LMOD1: variants seen among roughly 807,000 people sequenced by gnomAD.
LMOD1 encodes the protein leiomodin 1.
Under a neutral mutation model 36.5 loss-of-function variants are expected in LMOD1, and 8 were observed. The observed-to-expected ratio is 0.22, with a 90% CI of 0.13 to 0.40. The LOEUF is 0.40. Among genes scored for constraint, LMOD1 ranks in the 10% least tolerant of loss-of-function variants. The probability of loss-of-function intolerance (pLI) is 1.00; values close to 1 mark genes in which losing one functional copy is unlikely to be tolerated. For missense variants in LMOD1, 630 were observed against 751.1 expected, an observed-to-expected ratio of 0.84 and a Z score of 1.88; for synonymous variants, 284 against 288.7, an observed-to-expected ratio of 0.98 and a Z score of 0.17.
chr1:201,924,725 G>GA lies in LMOD1; in HGVS notation c.261+21354dup, dbSNP rs1553297968. On this transcript the variant is annotated intron_variant, in intron 1 of 2. Transcript: ENST00000367288. ...AGAAAGAAAGAAAGAAAGAAAGAAA[G>GA]AAAGAAAAGAAAGAAATAGCCAGTC... 1.0e-4 allele frequency among the ~76,000 whole-genome samples: 13 copies of GA among 128,814 alleles called. 1 individual carries two copies. In the East Asian group the frequency reaches 1.8e-3, roughly 17 times the overall value. 84.5% of individuals were successfully genotyped at this position (128,814 alleles called of 152,430 possible). A position where few individuals can be genotyped will look rare whatever the true frequency, so the allele number is the denominator to read the frequency against.
intron 1 of LMOD1, among the ~76,000 whole-genome samples, chr1:201,932,769 T>C (rs1019609782): frequency 6.6e-5 from 10 of 152,132 alleles, no homozygotes; most frequent in African/African-American, 2.4e-4. Flanking sequence ...AGAAATGATG[T>C]TAATGACTAT....
At chr1:201,912,946 C>G (rs899832026) in intron 1 of LMOD1, among the ~76,000 whole-genome samples, 2 of 152,136 alleles carry the variant, frequency 1.3e-5, no homozygotes, top group African/African-American at 4.8e-5. Flanking sequence ...TGGTTACCTG[C>G]TAAGGCCTGC....
chr1:201,944,711 G>T (rs186651168), intron 1 of LMOD1, among the ~76,000 whole-genome samples: 61 of 129,592 alleles, frequency 4.7e-4, no homozygotes, highest in Non-Finnish European at 7.7e-4. Flanking sequence ...CTTGGCAAAG[G>T]CTTAAACATA....
At chr1:201,942,189 C>T (rs1243406776) in intron 1 of LMOD1, among the ~76,000 whole-genome samples, 1 of 152,214 alleles carries the variant, frequency 6.6e-6, no homozygotes, top group East Asian at 1.9e-4. Flanking sequence ...CTAACATTCA[C>T]TCAACAAACA....
chr1:201,944,353 G>A (rs1243507357), intron 1 of LMOD1, among the ~76,000 whole-genome samples: 5 of 152,152 alleles, frequency 3.3e-5, no homozygotes, highest in Non-Finnish European at 7.3e-5. Context: ...CTTGTGATTA[G>A]ACTGCTTTGT....
intron 1 of LMOD1, among the ~76,000 whole-genome samples, chr1:201,918,585 G>C (rs1188326108): frequency 6.6e-6 from 1 of 152,100 alleles, no homozygotes; most frequent in Non-Finnish European, 1.5e-5. Flanking sequence ...GGGCTCTCTT[G>C]GGTCTTGTTG....
intron 1 of LMOD1, among the ~76,000 whole-genome samples, chr1:201,941,468 G>T (rs776188522): frequency 6.6e-6 from 1 of 152,118 alleles, no homozygotes; most frequent in Admixed American, 6.5e-5. Context: ...ACAGGCCCCC[G>T]TCACCTCTTC....
chr1:201,903,013 G>C (rs537071718), intron 1 of LMOD1, among the ~76,000 whole-genome samples: 3 of 152,194 alleles, frequency 2.0e-5, no homozygotes, highest in African/African-American at 7.2e-5. Context: ...AAGAGACTAT[G>C]GTTTGAATAT....
intron 1 of LMOD1, among the ~76,000 whole-genome samples, chr1:201,917,369 AAGAC>A (rs1208864076): frequency 6.6e-6 from 1 of 152,032 alleles, no homozygotes; most frequent in Non-Finnish European, 1.5e-5. Flanking sequence ...CAAGTAGAGA[AAGAC>A]AGAGGCGTTT....
intron 1 of LMOD1, among the ~76,000 whole-genome samples, chr1:201,916,688 G>C (rs1681617214): frequency 1.3e-5 from 2 of 152,192 alleles, no homozygotes; most frequent in Admixed American, 6.5e-5. Context: ...AGAGGTGGGA[G>C]GGAGGGGATT....
intron 1 of LMOD1, among the ~76,000 whole-genome samples, chr1:201,925,329 G>C (rs996823541): frequency 2.0e-5 from 3 of 152,148 alleles, no homozygotes; most frequent in African/African-American, 7.2e-5. Flanking sequence ...TACCTTATAA[G>C]GCTGAAGCAA....
intron 2 of LMOD1, 89 bp from the exon 3 acceptor site, chr1:201,898,487 T>C (rs1681232107): frequency 8.6e-7 from 1 of 1,163,954 alleles, no homozygotes; most frequent in African/African-American, 1.5e-5. Context: ...GACACTGCAA[T>C]ATGTTATGTC....
chr1:201,932,419 G>C (rs1050793301), intron 1 of LMOD1, among the ~76,000 whole-genome samples: 2 of 152,010 alleles, frequency 1.3e-5, no homozygotes, highest in Non-Finnish European at 2.9e-5. Context: ...ACGCTGAAAA[G>C]GTTATACAGC....
At chr1:201,917,173 T>C (rs1558238131) in intron 1 of LMOD1, among the ~76,000 whole-genome samples, 1 of 152,164 alleles carries the variant, frequency 6.6e-6, no homozygotes, top group African/African-American at 2.4e-5. Flanking sequence ...CTGGGAGGGT[T>C]CTTGCCTGCC....
In LMOD1 at chr1:201,896,509, T is replaced by C. The variant is rs1681197954; in HGVS notation, c.*1863A>G. 2.2e-6 allele frequency: 1 copy of C among 456,598 alleles called. No homozygotes were observed. The highest frequency in any genetic ancestry group is 2.4e-5 in the Admixed American group (1 of 42,552). The allele number at this position is 456,598 out of a possible 1,614,324, so 28.3% of individuals were successfully genotyped here. On this transcript the variant is annotated 3_prime_UTR_variant, in exon 3 of 3. Transcript: ENST00000367288. The stretch of plus-strand genomic sequence containing the variant: ...TCATGGATATATTAGTTAACCTCTC[T>C]GGGCCAAATTCTATCTGCAAAATAG...
At chr1:201,925,977 G>T (rs1375388257) in intron 1 of LMOD1, among the ~76,000 whole-genome samples, 1 of 152,112 alleles carries the variant, frequency 6.6e-6, no homozygotes, top group East Asian at 1.9e-4. Context: ...GCCTCCCAAA[G>T]TGTTGGAATT....
At chr1:201,906,355 C>G (rs968573931) in intron 1 of LMOD1, among the ~76,000 whole-genome samples, 1 of 152,204 alleles carries the variant, frequency 6.6e-6, no homozygotes, top group African/African-American at 2.4e-5. Flanking sequence ...TCCCCCCACC[C>G]GCCTCCACCA....
chr1:201,929,081 T>A (rs1681875272), intron 1 of LMOD1, among the ~76,000 whole-genome samples: 1 of 136,352 alleles, frequency 7.3e-6, no homozygotes, highest in African/African-American at 2.9e-5. Flanking sequence ...ATAGGTGGAC[T>A]TTATTTATTT....
chr1:201,914,126 A>T (rs1681559416), intron 1 of LMOD1, among the ~76,000 whole-genome samples: 1 of 152,150 alleles, frequency 6.6e-6, no homozygotes, highest in Non-Finnish European at 1.5e-5. Context: ...TCACCTTGCC[A>T]GTATCCTCAA....
Sources: allele counts gnomAD v4.1 joint callset (sites outside exome capture counted in the v4.1 genomes callset), GRCh38; gene constraint gnomAD v4.1.1; transcripts MANE v1.5; gene names NCBI Gene and HGNC (gene_info 2026-07-23, HGNC 2026-07-21).